The following SFXN5 variants were observed in gnomAD, a reference collection of about 807,000 sequenced individuals.
The protein encoded by SFXN5 is sideroflexin-5.
A neutral mutation model predicts 50.2 loss-of-function variants in SFXN5; 43 were observed. That is an observed-to-expected ratio of 0.86 (90% CI 0.67 to 1.11). SFXN5 has a LOEUF of 1.11. Ranked by LOEUF, SFXN5 falls within the 50% of genes least tolerant of loss-of-function variation. SFXN5 has a pLI of 0.00. For missense variants in SFXN5, 463 were observed against 454.1 expected (o/e 1.02, Z -0.18); for synonymous variants, 203 against 185.8 (o/e 1.09, Z -0.75).
chr2:73,028,396 C>T (rs888380507), intron 3 of SFXN5, among the ~76,000 whole-genome samples: 1 of 152,192 alleles, frequency 6.6e-6, no homozygotes, highest in Admixed American at 6.5e-5. Context: ...ACTGCTGCAA[C>T]CCTCCACTCC....
chr2:73,010,132 C>T (rs1284476982), intron 6 of SFXN5, among the ~76,000 whole-genome samples: 3 of 152,178 alleles, frequency 2.0e-5, no homozygotes, highest in South Asian at 2.1e-4. Context: ...TCTTGTTTGC[C>T]TATCACCATT....
intron 6 of SFXN5, among the ~76,000 whole-genome samples, chr2:73,008,424 T>C (rs1459814211): frequency 6.6e-6 from 1 of 151,454 alleles, no homozygotes; most frequent in East Asian, 1.9e-4. Context: ...ACAAATGCTC[T>C]CTGGGAGAGC....
intron 3 of SFXN5, among the ~76,000 whole-genome samples, chr2:73,034,974 C>T (rs1325677298): frequency 6.6e-6 from 1 of 152,200 alleles, no homozygotes; most frequent in African/African-American, 2.4e-5. Flanking sequence ...GAAGATGTCT[C>T]TCCCATTAGA....
At chr2:72,967,882 T>C (rs2105430682) in intron 12 of SFXN5, among the ~76,000 whole-genome samples, 1 of 152,310 alleles carries the variant, frequency 6.6e-6, no homozygotes, top group Admixed American at 6.5e-5. Flanking sequence ...ACTGTTACTA[T>C]GCTCCCTCAT....
At position 72,945,225 on chromosome 2, in the gene SFXN5, G is replaced by C. The variant is rs1671805557; in HGVS notation, c.946-126C>G. ...CCCCTGCACCCCCGTGTCCACCCCA[G>C]CCAGGGCTCACATGCCCTACCTAGT... On this transcript the variant is annotated intron_variant, in intron 13 of 13. Transcript: ENST00000272433. The surrounding 1 kb of genome is among the most constrained non-coding windows in gnomAD (Gnocchi z 5.8). 1.2e-6 allele frequency: 1 copy of C among 833,068 alleles called. No individual in the cohort carries two copies. The highest frequency in any genetic ancestry group is 2.0e-6 in the Non-Finnish European group (1 of 512,056). The allele number at this position is 833,068 out of a possible 1,614,324, so 51.6% of individuals were successfully genotyped here.
chr2:72,982,313 A>G (rs1032668982), intron 10 of SFXN5, among the ~76,000 whole-genome samples: 1 of 152,236 alleles, frequency 6.6e-6, no homozygotes, highest in Non-Finnish European at 1.5e-5. Context: ...AGTGGACCAC[A>G]GTGATGGTAA....
At chr2:73,026,076 G>A (rs1016479913) in intron 3 of SFXN5, among the ~76,000 whole-genome samples, 4 of 151,798 alleles carry the variant, frequency 2.6e-5, no homozygotes, top group Non-Finnish European at 4.4e-5. Context: ...GGCCATCAGC[G>A]CAATGCTGAG....
chr2:72,969,781 T>C (rs766084090), intron 11 of SFXN5, among the ~76,000 whole-genome samples: 1 of 151,786 alleles, frequency 6.6e-6, no homozygotes, highest in Non-Finnish European at 1.5e-5. Context: ...TCTTTCTCAG[T>C]GACAAGAAGT....
intron 3 of SFXN5, among the ~76,000 whole-genome samples, chr2:73,024,419 G>C (rs1328866412): frequency 6.6e-6 from 1 of 152,208 alleles, no homozygotes; most frequent in Non-Finnish European, 1.5e-5. Flanking sequence ...CACTTTAGGA[G>C]GCCAAAGCAG....
chr2:73,022,445 C>A, intron 5 of SFXN5, 77 bp downstream of exon 5: 1 of 1,126,508 alleles, frequency 8.9e-7, no homozygotes, highest in Non-Finnish European at 1.4e-6. Flanking sequence ...TAGGCCAGCA[C>A]ATCTGGATGC....
At chr2:73,054,063 C>T (rs2106003789) in intron 2 of SFXN5, among the ~76,000 whole-genome samples, 1 of 152,254 alleles carries the variant, frequency 6.6e-6, no homozygotes, top group South Asian at 2.1e-4. Flanking sequence ...CCTGCCTAGA[C>T]GAGAGCCAAT....
At chr2:73,001,660 A>C in intron 6 of SFXN5, 82 bp from the exon 7 acceptor site, 2 of 1,315,662 alleles carry the variant, frequency 1.5e-6, no homozygotes, top group Non-Finnish European at 2.2e-6. Context: ...GCTACCACAA[A>C]TGAGTGAGCT....
intron 6 of SFXN5, among the ~76,000 whole-genome samples, chr2:73,017,611 A>ATG (rs917786104): frequency 1.3e-5 from 2 of 152,228 alleles, no homozygotes; most frequent in African/African-American, 4.8e-5. Flanking sequence ...TCTTATTTGT[A>ATG]TGTATAAGAT....
chr2:73,066,843 A>G (rs369135920), intron 1 of SFXN5, among the ~76,000 whole-genome samples: 7 of 152,196 alleles, frequency 4.6e-5, no homozygotes, highest in Admixed American at 3.3e-4. Flanking sequence ...CTCTACAAAA[A>G]AAAAGAAAAG....
intron 1 of SFXN5, among the ~76,000 whole-genome samples, chr2:73,069,168 G>A (rs1308221750): frequency 1.3e-5 from 2 of 152,170 alleles, no homozygotes; most frequent in Non-Finnish European, 2.9e-5. Flanking sequence ...CTACAAGGGC[G>A]TAGGGAGTCC....
At chr2:73,064,254 AC>A (rs1340124688) in intron 1 of SFXN5, among the ~76,000 whole-genome samples, 1 of 152,260 alleles carries the variant, frequency 6.6e-6, no homozygotes, top group Non-Finnish European at 1.5e-5. Context: ...TACTCGCTGA[AC>A]CTACAGCCCA....
intron 2 of SFXN5, among the ~76,000 whole-genome samples, chr2:73,043,334 A>T (rs964298914): frequency 6.6e-6 from 1 of 152,238 alleles, no homozygotes; most frequent in Non-Finnish European, 1.5e-5. Context: ...AGTAGGGAAC[A>T]CAGGGTTTTC....
chr2:72,999,770 ACCCCAAACTGACAGGC>A (rs1673675717), intron 8 of SFXN5, among the ~76,000 whole-genome samples: 1 of 152,024 alleles, frequency 6.6e-6, no homozygotes, highest in African/African-American at 2.4e-5. Flanking sequence ...ACTCTCCTCT[ACCCCAAACTGACAGGC>A]CCCCAAAGGG....
chr2:73,058,000 A>G (rs1241225913), intron 2 of SFXN5: 1 of 152,432 alleles, frequency 6.6e-6, no homozygotes, highest in African/African-American at 2.4e-5. Context: ...CCGGACTAAT[A>G]CAACTGTGAT....
Sources: gnomAD v4.1 joint callset for allele counts (sites outside exome capture counted in the v4.1 genomes callset) on GRCh38, gnomAD v4.1.1 for gene constraint, Gnocchi (gnomAD v3.1) non-coding constraint, MANE v1.5 for transcripts, NCBI Gene and HGNC (gene_info 2026-07-23, HGNC 2026-07-21) for gene names.